Variants in TBCA observed in about 807,000 individuals in gnomAD.
TBCA encodes tubulin-specific chaperone A.
In TBCA, 6 loss-of-function variants were observed where a neutral mutation model predicts 15.8. The ratio of observed to expected loss-of-function variants is 0.38; its 90% confidence interval spans 0.21 to 0.75. TBCA has a LOEUF of 0.75. TBCA is among the 30% of genes least tolerant of loss of function. The pLI, the probability that TBCA is intolerant of heterozygous loss-of-function variation, is 0.46. For missense variants in TBCA, 90 were observed against 131.2 expected, an observed-to-expected ratio of 0.69 and a Z score of 1.53; for synonymous variants, 32 against 42.3, an observed-to-expected ratio of 0.76 and a Z score of 0.94.
intron 1 of TBCA, among the ~76,000 whole-genome samples, chr5:77,727,239 G>GAAAAAAAAAA: frequency 1.2e-5 from 1 of 81,042 alleles, no homozygotes; most frequent in Non-Finnish European, 2.3e-5. Flanking sequence ...TCTGTCTCAG[G>GAAAAAAAAAA]AAAAAAAAAA....
chr5:77,749,667 G>A (rs185757573), intron 1 of TBCA, among the ~76,000 whole-genome samples: 108 of 152,158 alleles, frequency 7.1e-4, no homozygotes, highest in African/African-American at 2.3e-3. Context: ...CTCTCAATAC[G>A]TAAAACACAC....
intron 1 of TBCA, among the ~76,000 whole-genome samples, chr5:77,737,862 CA>C (rs1348981203): frequency 2.0e-5 from 3 of 152,176 alleles, no homozygotes; most frequent in African/African-American, 7.2e-5. Context: ...TCTTTGGTCT[CA>C]AAAGTTGCTG....
At chr5:77,768,659 T>G (rs182820270) in intron 1 of TBCA, among the ~76,000 whole-genome samples, 14 of 152,312 alleles carry the variant, frequency 9.2e-5, no homozygotes, top group Non-Finnish European at 1.0e-4. Flanking sequence ...ACCAGATGAT[T>G]CAAAGACAGT....
intron 1 of TBCA, among the ~76,000 whole-genome samples, chr5:77,749,891 G>C (rs1428986587): frequency 1.3e-5 from 2 of 152,090 alleles, no homozygotes; most frequent in African/African-American, 2.4e-5. Context: ...AAGGAACGAG[G>C]CTGCTCTACA....
chr5:77,718,941 G>A (rs181044360), intron 1 of TBCA, among the ~76,000 whole-genome samples: 119 of 152,264 alleles, frequency 7.8e-4, no homozygotes, highest in African/African-American at 2.6e-3. Context: ...AGCTGACACT[G>A]TGGATCCTTT....
At chr5:77,749,513 TTTTAA>T (rs961632686) in intron 1 of TBCA, among the ~76,000 whole-genome samples, 2 of 152,240 alleles carry the variant, frequency 1.3e-5, no homozygotes, top group Non-Finnish European at 2.9e-5. Flanking sequence ...CCTAACTTTG[TTTTAA>T]TTTCTTTGAT....
chr5:77,698,277 C>A (rs949488544), intron 2 of TBCA, among the ~76,000 whole-genome samples: 3 of 151,294 alleles, frequency 2.0e-5, no homozygotes, highest in African/African-American at 7.3e-5. Flanking sequence ...ATTACGGATC[C>A]TGCAATTATT....
chr5:77,747,807 T>C (rs353906), intron 1 of TBCA, among the ~76,000 whole-genome samples: 5,451 of 152,284 alleles, frequency 0.036, 393 homozygotes, highest in East Asian at 0.32. Context: ...GTTTAGATTT[T>C]AGATTTTTGA....
chr5:77,763,478 A>G (rs988305104), intron 1 of TBCA, among the ~76,000 whole-genome samples: 4 of 152,262 alleles, frequency 2.6e-5, no homozygotes, highest in African/African-American at 9.6e-5. Flanking sequence ...TTGTGTGCCC[A>G]TCCCTTCCTC....
rs553328302 is a variant in TBCA at position 77,707,867 on chromosome 5, A to G, written c.159+375T>C. Among the ~76,000 whole-genome samples the G allele has an allele frequency of 2.0e-5, 3 of 152,316 alleles. No homozygotes were observed. In the South Asian group the frequency reaches 6.2e-4, roughly 32 times the overall value. On this transcript the variant is annotated intron_variant, in intron 2 of 3. Coordinates refer to ENST00000380377, the MANE Select transcript of TBCA (RefSeq NM_004607.3). The stretch of plus-strand genomic sequence containing the variant: ...GCCAGAATGCCTGTGTTCAAATCTT[A>G]GCTATGCCAGGTGTGGTGGCTCATG...
chr5:77,708,206 A>T (rs9791124), intron 2 of TBCA, 36 bp downstream of exon 2: 156,942 of 1,414,870 alleles, frequency 0.11, 12,382 homozygotes, highest in East Asian at 0.37. Context: ...GGCATTCTGT[A>T]AATGTTAGCT....
At chr5:77,711,681 A>T (rs934702844) in intron 1 of TBCA, among the ~76,000 whole-genome samples, 1 of 152,210 alleles carries the variant, frequency 6.6e-6, no homozygotes, top group Non-Finnish European at 1.5e-5. Flanking sequence ...ACTTTTGAAG[A>T]AGTATACAAC....
chr5:77,716,286 A>T (rs1178670979), intron 1 of TBCA, among the ~76,000 whole-genome samples: 1 of 152,232 alleles, frequency 6.6e-6, no homozygotes, highest in African/African-American at 2.4e-5. Flanking sequence ...GAAAGAAGTT[A>T]GGTTGGATGA....
At chr5:77,768,597 C>A (rs1747837794) in intron 1 of TBCA, among the ~76,000 whole-genome samples, 1 of 152,122 alleles carries the variant, frequency 6.6e-6, no homozygotes, top group South Asian at 2.1e-4. Flanking sequence ...GATTTCATTC[C>A]TTCATCTGTG....
chr5:77,766,448 A>T (rs1747778337), intron 1 of TBCA, among the ~76,000 whole-genome samples: 2 of 152,106 alleles, frequency 1.3e-5, no homozygotes, highest in South Asian at 4.1e-4. Context: ...GTTATTACTT[A>T]ACAGCGGTTG....
At chr5:77,763,975 A>C (rs1459566887) in intron 1 of TBCA, among the ~76,000 whole-genome samples, 4 of 152,210 alleles carry the variant, frequency 2.6e-5, no homozygotes, top group Non-Finnish European at 4.4e-5. Flanking sequence ...AAACAATCCA[A>C]ATGCTCATCA....
At chr5:77,715,048 A>G (rs564022899) in intron 1 of TBCA, among the ~76,000 whole-genome samples, 1 of 152,368 alleles carries the variant, frequency 6.6e-6, no homozygotes, top group East Asian at 1.9e-4. Flanking sequence ...GTGAAGGAGG[A>G]CTGGTAATAC....
chr5:77,705,679 T>C, intron 2 of TBCA: 1 of 397,096 alleles, frequency 2.5e-6, no homozygotes, highest in Non-Finnish European at 4.4e-6. Flanking sequence ...AATTTAAAAA[T>C]TGGCCAGGCA....
intron 1 of TBCA, among the ~76,000 whole-genome samples, 171 bp downstream of exon 1, chr5:77,776,034 G>C (rs1748015857): frequency 6.6e-6 from 1 of 152,140 alleles, no homozygotes; most frequent in African/African-American, 2.4e-5. Flanking sequence ...GGGCTCGGGC[G>C]TCAGCGCGCC....
Sources: allele counts gnomAD v4.1 joint callset (sites outside exome capture counted in the v4.1 genomes callset), GRCh38; gene constraint gnomAD v4.1.1; transcripts MANE v1.5; gene names NCBI Gene and HGNC (gene_info 2026-07-23, HGNC 2026-07-21).